The following KAZN variants were observed in gnomAD, a reference collection of about 807,000 sequenced individuals.
KAZN encodes kazrin.
A neutral mutation model predicts 87.4 loss-of-function variants in KAZN; 40 were observed. That is an observed-to-expected ratio of 0.46 (90% confidence interval 0.36 to 0.60). The LOEUF is 0.60. Ranked by LOEUF, KAZN falls within the 20% of genes least tolerant of loss-of-function variation. KAZN has a pLI of 0.00. For missense variants in KAZN, 898 were observed against 1,073.9 expected, an observed-to-expected ratio of 0.84 and a Z score of 2.29; for synonymous variants, 466 against 458.3, an observed-to-expected ratio of 1.02 and a Z score of -0.22.
intron 2 of KAZN, among the ~76,000 whole-genome samples, chr1:14,266,032 T>G (rs1010218736): frequency 1.3e-5 from 2 of 152,092 alleles, no homozygotes; most frequent in African/African-American, 4.8e-5. Flanking sequence ...TGTGAACAGC[T>G]TTGTTTCTCT....
intron 5 of KAZN, among the ~76,000 whole-genome samples, chr1:15,057,201 A>G (rs889169115): frequency 6.6e-6 from 1 of 152,262 alleles, no homozygotes; most frequent in Non-Finnish European, 1.5e-5. Context: ...CCCTGGATTC[A>G]GACTGCTGGG....
chr1:14,690,396 C>A (rs1641216570), intron 1 of KAZN, among the ~76,000 whole-genome samples: 1 of 152,192 alleles, frequency 6.6e-6, no homozygotes, highest in Non-Finnish European at 1.5e-5. Context: ...AGAGGATTCA[C>A]CACATTTATG....
intron 1 of KAZN, among the ~76,000 whole-genome samples, chr1:13,982,459 G>A (rs1349609723): frequency 6.6e-6 from 1 of 152,202 alleles, no homozygotes; most frequent in East Asian, 1.9e-4. Flanking sequence ...GCTCATAAAA[G>A]CAGTGTGGAC....
chr1:14,175,090 C>T lies in KAZN; in HGVS notation c.92-5345C>T, dbSNP rs1570939455. Among the ~76,000 whole-genome samples the T allele has an allele frequency of 2.0e-5, 3 of 152,170 alleles. No homozygotes were observed. In the South Asian group the frequency reaches 6.2e-4, roughly 32 times the overall value. On this transcript the variant is annotated intron_variant, in intron 1 of 16. Transcript: ENST00000636203. The stretch of plus-strand genomic sequence containing the variant: ...TTTTTGAACCAGTAATTCAATCTAC[C>T]ATGGATGGGTTTTGTTTTCGTTTTT...
chr1:14,725,046 C>T (rs1181454049), intron 1 of KAZN, among the ~76,000 whole-genome samples: 3 of 152,198 alleles, frequency 2.0e-5, no homozygotes, highest in African/African-American at 2.4e-5. Context: ...AACAGGACTT[C>T]GACCTTCATT....
At chr1:14,935,887 A>G (rs1311819674) in intron 1 of KAZN, among the ~76,000 whole-genome samples, 1 of 152,082 alleles carries the variant, frequency 6.6e-6, no homozygotes, top group Non-Finnish European at 1.5e-5. Context: ...TGCAGCCTAT[A>G]GCACCCCCGC....
At chr1:14,326,691 G>C (rs950038945) in intron 2 of KAZN, among the ~76,000 whole-genome samples, 2 of 152,112 alleles carry the variant, frequency 1.3e-5, no homozygotes, top group African/African-American at 2.4e-5. Flanking sequence ...CCTTCCCTGT[G>C]CTTGGGTCAC....
intron 1 of KAZN, among the ~76,000 whole-genome samples, chr1:14,886,636 A>T (rs896292616): frequency 6.6e-6 from 1 of 152,076 alleles, no homozygotes; most frequent in Non-Finnish European, 1.5e-5. Flanking sequence ...TACTAAAAAT[A>T]CAAAATTAGC....
At chr1:14,004,444 A>G (rs1326236045) in intron 1 of KAZN, among the ~76,000 whole-genome samples, 3 of 152,242 alleles carry the variant, frequency 2.0e-5, no homozygotes, top group Non-Finnish European at 2.9e-5. Flanking sequence ...TGTCAATACC[A>G]GCACTATTCA....
chr1:15,001,153 T>G (rs1668420326), intron 2 of KAZN, among the ~76,000 whole-genome samples: 1 of 151,672 alleles, frequency 6.6e-6, no homozygotes, highest in Non-Finnish European at 1.5e-5. Flanking sequence ...AAGGTGGTGG[T>G]GCATTGCAGG....
intron 1 of KAZN, among the ~76,000 whole-genome samples, chr1:13,942,586 T>C (rs1226606948): frequency 1.3e-5 from 2 of 149,160 alleles, no homozygotes; most frequent in Non-Finnish European, 1.5e-5. Flanking sequence ...ATATATATAA[T>C]TCACCAACAC....
chr1:14,724,696 G>A (rs890016742), intron 1 of KAZN, among the ~76,000 whole-genome samples: 12 of 152,214 alleles, frequency 7.9e-5, no homozygotes, highest in African/African-American at 2.9e-4. Context: ...AAACTCATTT[G>A]TTTCCAACCT....
At chr1:14,986,316 C>A (rs886140874) in intron 2 of KAZN, among the ~76,000 whole-genome samples, 9 of 152,186 alleles carry the variant, frequency 5.9e-5, no homozygotes, top group Admixed American at 1.3e-4. Context: ...GTCTTCTGGG[C>A]TCTGGCAGTT....
chr1:14,862,985 G>A (rs1651041822), intron 1 of KAZN, among the ~76,000 whole-genome samples: 2 of 152,346 alleles, frequency 1.3e-5, no homozygotes, highest in South Asian at 4.1e-4. Flanking sequence ...GCTGAGAAAA[G>A]GTGGAGCTGA....
chr1:14,136,857 A>T (rs1645118811), intron 1 of KAZN, among the ~76,000 whole-genome samples: 1 of 152,168 alleles, frequency 6.6e-6, no homozygotes, highest in Admixed American at 6.5e-5. Flanking sequence ...GCTGGAGTGC[A>T]TGGGGACTAG....
intron 2 of KAZN, among the ~76,000 whole-genome samples, chr1:14,432,835 G>C (rs1301371429): frequency 6.6e-6 from 1 of 152,072 alleles, no homozygotes; most frequent in South Asian, 2.1e-4. Context: ...TTGGTTTTCT[G>C]TTCCTGTGTT....
intron 2 of KAZN, among the ~76,000 whole-genome samples, chr1:14,380,549 T>G (rs1661279623): frequency 1.3e-5 from 2 of 152,170 alleles, no homozygotes; most frequent in African/African-American, 4.8e-5. Context: ...GCAGAAATTC[T>G]AGAGTTGGAA....
rs1236136941 is a variant in KAZN at position 14,735,057 on chromosome 1, TG to T, written c.226+135836del. Among the ~76,000 whole-genome samples the T allele has an allele frequency of 6.6e-6, 1 of 150,856 alleles. No homozygotes were observed. Among genetic ancestry groups the T allele is most frequent in the South Asian group, 2.1e-4 (1 of 4,832 alleles). The stretch of plus-strand genomic sequence containing the variant: ...AGCACAGGATGCTAAATGGTCATGC[TG>T]GTTTTTTTTGTTTTGTTTTGAGACG... On this transcript the variant is annotated intron_variant, in intron 1 of 14. Transcript: ENST00000376030. The surrounding 1 kb of genome is among the most constrained non-coding windows in gnomAD (Gnocchi z 4.3).
intron 2 of KAZN, among the ~76,000 whole-genome samples, chr1:14,983,499 G>A (rs1369073099): frequency 1.5e-5 from 2 of 135,632 alleles, no homozygotes; most frequent in Non-Finnish European, 3.2e-5. Context: ...CGGTGGAAAT[G>A]CAAAGTGACG....
Sources: allele counts gnomAD v4.1 joint callset (sites outside exome capture counted in the v4.1 genomes callset), GRCh38; gene constraint gnomAD v4.1.1; non-coding constraint Gnocchi (gnomAD v3.1); transcripts MANE v1.5; gene names NCBI Gene and HGNC (gene_info 2026-07-23, HGNC 2026-07-21).